MYO5A: variants seen among roughly 807,000 people sequenced by gnomAD.
The protein encoded by MYO5A is unconventional myosin-Va.
In MYO5A, 98 loss-of-function variants were observed where a neutral mutation model predicts 249.7. The ratio of observed to expected loss-of-function variants is 0.39; its 90% CI spans 0.33 to 0.46. MYO5A has a LOEUF of 0.46. Among genes scored for constraint, MYO5A ranks in the 20% least tolerant of loss-of-function variants. The pLI is 0.98. For missense variants in MYO5A, 1,696 were observed against 2,308.8 expected (o/e 0.73, Z 5.44); for synonymous variants, 778 against 810.6 (o/e 0.96, Z 0.68).
intron 2 of MYO5A, among the ~76,000 whole-genome samples, chr15:52,431,049 T>C (rs1033012813): frequency 6.6e-6 from 1 of 151,016 alleles, no homozygotes. Context: ...CTGGCCAACA[T>C]GGTAAAATCC....
At chr15:52,421,380 G>C (rs776984657) in intron 4 of MYO5A, among the ~76,000 whole-genome samples, 2 of 152,118 alleles carry the variant, frequency 1.3e-5, no homozygotes, top group Admixed American at 6.5e-5. Flanking sequence ...TAGACATAAG[G>C]CCACATAATG....
intron 1 of MYO5A, among the ~76,000 whole-genome samples, chr15:52,527,192 A>C (rs947108761): frequency 6.6e-6 from 1 of 152,254 alleles, no homozygotes; most frequent in Non-Finnish European, 1.5e-5. Flanking sequence ...AGGAATGTTT[A>C]CAGACTGATT....
chr15:52,330,402 C>G lies in MYO5A; in HGVS notation c.4506G>C (p.Leu1502=). The change falls in exon 35 of 42, where the codon CTG becomes CTC. Residue 1502 remains leucine (L), a synonymous_variant. Transcript: ENST00000399233. ...TTTGCTCATCCTCCTTCTTGTATTC[C>G]AGCATCCCTTGGAAATCCTTTTCTT... The part of the protein sequence containing the change: ...PRKEKDFQGM[L]EYKKEDEQKL... 3.1e-6 allele frequency: 5 copies of G among 1,614,110 alleles called. No individual in the cohort carries two copies. The highest frequency in any genetic ancestry group is 4.2e-6 in the Non-Finnish European group (5 of 1,179,996).
chr15:52,383,792 C>T lies in MYO5A; in HGVS notation c.1914+369G>A, dbSNP rs557242086. Among the ~76,000 whole-genome samples the T allele has an allele frequency of 1.8e-3, 270 of 152,294 alleles. 1 individual carries two copies. Among genetic ancestry groups the T allele is most frequent in the African/African-American group, 6.2e-3 (258 of 41,550 alleles). On this transcript the variant is annotated intron_variant, in intron 15 of 41. Coordinates refer to ENST00000399233, the MANE Select transcript of MYO5A (RefSeq NM_001382347.1). Reference sequence around the variant, plus strand: ...GGCACTAAGCATGTATGTAACATTTCCCACTCTCAGAGAACATAAGACATC... The same window carrying T: ...GGCACTAAGCATGTATGTAACATTTTCCACTCTCAGAGAACATAAGACATC...
intron 1 of MYO5A, among the ~76,000 whole-genome samples, chr15:52,515,353 T>C (rs1460008616): frequency 6.6e-6 from 1 of 150,866 alleles, no homozygotes; most frequent in Non-Finnish European, 1.5e-5. Flanking sequence ...TAGGAAATGA[T>C]AACTGATTAG....
At chr15:52,320,338 C>T (rs756144571) in intron 38 of MYO5A, among the ~76,000 whole-genome samples, 4 of 152,180 alleles carry the variant, frequency 2.6e-5, no homozygotes, top group Admixed American at 6.5e-5. Context: ...TCCCTAGAAC[C>T]GGCATGTTTG....
intron 1 of MYO5A, among the ~76,000 whole-genome samples, chr15:52,506,157 T>C (rs1034929529): frequency 1.3e-5 from 2 of 152,002 alleles, no homozygotes; most frequent in Non-Finnish European, 2.9e-5. Context: ...CGAGACCATC[T>C]TGGCTAACGC....
chr15:52,488,678 A>C (rs1021634708), intron 1 of MYO5A, among the ~76,000 whole-genome samples: 4 of 152,230 alleles, frequency 2.6e-5, no homozygotes, highest in African/African-American at 9.6e-5. Flanking sequence ...TTTCAGAAGA[A>C]GAAAATGTTG....
chr15:52,345,725 C>T (rs1046165707), intron 30 of MYO5A, among the ~76,000 whole-genome samples: 1 of 152,172 alleles, frequency 6.6e-6, no homozygotes, highest in Non-Finnish European at 1.5e-5. Flanking sequence ...TGAGGGCTGA[C>T]TGCACCTTTC....
intron 1 of MYO5A, among the ~76,000 whole-genome samples, chr15:52,471,390 GCC>G (rs1567157761): frequency 1.3e-5 from 2 of 152,240 alleles, no homozygotes; most frequent in East Asian, 3.9e-4. Context: ...GATCGCTTGA[GCC>G]CAGGAGTTTG....
intron 2 of MYO5A, among the ~76,000 whole-genome samples, chr15:52,428,877 C>T (rs2075454921): frequency 6.6e-6 from 1 of 152,188 alleles, no homozygotes; most frequent in South Asian, 2.1e-4. Flanking sequence ...CCTCCAACCC[C>T]TTTTACCTAT....
chr15:52,412,893 A>C (rs1442166063), intron 5 of MYO5A, among the ~76,000 whole-genome samples: 1 of 152,188 alleles, frequency 6.6e-6, no homozygotes, highest in East Asian at 1.9e-4. Context: ...CATGCCTGTA[A>C]TCCCAGCACT....
intron 1 of MYO5A, among the ~76,000 whole-genome samples, chr15:52,438,723 C>T (rs1395362056): frequency 1.3e-5 from 2 of 152,236 alleles, no homozygotes; most frequent in Non-Finnish European, 2.9e-5. Flanking sequence ...TAAACCCAGG[C>T]ATTCCAGCCG....
At chr15:52,506,403 T>C (rs1253380355) in intron 1 of MYO5A, among the ~76,000 whole-genome samples, 1 of 152,040 alleles carries the variant, frequency 6.6e-6, no homozygotes, top group South Asian at 2.1e-4. Flanking sequence ...GGCACACACC[T>C]GTAATCCCAG....
intron 1 of MYO5A, among the ~76,000 whole-genome samples, chr15:52,522,274 G>A (rs1279740866): frequency 6.6e-6 from 1 of 152,276 alleles, no homozygotes; most frequent in Admixed American, 6.5e-5. Context: ...GTGGTTACAT[G>A]ACAGAATATA....
chr15:52,370,548 C>T, intron 21 of MYO5A, 131 bp from the exon 22 acceptor site: 1 of 940,010 alleles, frequency 1.1e-6, no homozygotes, highest in East Asian at 2.6e-5. Context: ...AACCAAAATA[C>T]TACAACATTT....
chr15:52,443,509 G>A (rs903315885), intron 1 of MYO5A, among the ~76,000 whole-genome samples: 1 of 150,348 alleles, frequency 6.7e-6, no homozygotes. Context: ...TTAGGAGTTC[G>A]AGACCAGCCT....
At chr15:52,320,058 C>A (rs1024456854) in intron 38 of MYO5A, among the ~76,000 whole-genome samples, 1 of 152,084 alleles carries the variant, frequency 6.6e-6, no homozygotes, top group Non-Finnish European at 1.5e-5. Context: ...TTGGAGAAAA[C>A]GTGGGAGAGG....
intron 1 of MYO5A, among the ~76,000 whole-genome samples, chr15:52,506,319 C>G (rs1346363954): frequency 1.3e-5 from 2 of 151,934 alleles, no homozygotes; most frequent in Non-Finnish European, 2.9e-5. Context: ...CCGCTGCACT[C>G]CAGCCTGGGT....
Sources: gnomAD v4.1 joint callset for allele counts (sites outside exome capture counted in the v4.1 genomes callset) on GRCh38, gnomAD v4.1.1 for gene constraint, MANE v1.5 for transcripts, NCBI Gene and HGNC (gene_info 2026-07-23, HGNC 2026-07-21) for gene names.